Variants in TRPS1 observed in about 807,000 individuals in gnomAD.
TRPS1 encodes the protein zinc finger transcription factor Trps1.
A neutral mutation model predicts 101.2 loss-of-function variants in TRPS1; 6 were observed. That is an observed-to-expected ratio of 0.06 (90% CI 0.03 to 0.12). The LOEUF (loss-of-function observed/expected upper bound fraction) is 0.12, where lower values mean the gene tolerates loss of function less well. Among genes scored for constraint, TRPS1 ranks in the 10% least tolerant of loss-of-function variants. The probability of loss-of-function intolerance (pLI) is 1.00; values close to 1 mark genes in which losing one functional copy is unlikely to be tolerated. For synonymous variants in TRPS1, 578 were observed against 589.8 expected, an observed-to-expected ratio of 0.98 and a Z score of 0.29; for missense variants, 1,363 against 1,567.0, an observed-to-expected ratio of 0.87 and a Z score of 2.20.
chr8:115,484,960 C>G (rs987377757), intron 5 of TRPS1, among the ~76,000 whole-genome samples: 1 of 152,140 alleles, frequency 6.6e-6, no homozygotes, highest in Non-Finnish European at 1.5e-5. Context: ...AAGATGACCT[C>G]CAAGATTCCT....
chr8:115,549,327 G>A (rs1816649878), intron 5 of TRPS1, among the ~76,000 whole-genome samples: 1 of 152,054 alleles, frequency 6.6e-6, no homozygotes, highest in Non-Finnish European at 1.5e-5. Context: ...TATGTATTCA[G>A]CATTATATAA....
chr8:115,645,137 C>T (rs1818995209), intron 1 of TRPS1, among the ~76,000 whole-genome samples: 1 of 152,000 alleles, frequency 6.6e-6, no homozygotes, highest in South Asian at 2.1e-4. Flanking sequence ...CACAGGGTTG[C>T]CACAAATCTT....
intron 5 of TRPS1, among the ~76,000 whole-genome samples, chr8:115,422,320 T>C (rs995181042): frequency 2.6e-5 from 4 of 152,138 alleles, no homozygotes; most frequent in Non-Finnish European, 5.9e-5. Flanking sequence ...TGGTTGATGA[T>C]ATAGAAGACA....
chr8:115,607,158 A>G (rs1354268757), intron 3 of TRPS1, among the ~76,000 whole-genome samples: 4 of 152,152 alleles, frequency 2.6e-5, no homozygotes, highest in African/African-American at 4.8e-5. Context: ...CAAAGAGCAT[A>G]CATATACTTA....
rs1812969974 is a variant in TRPS1 at position 115,418,313 on chromosome 8, G to A, written c.2823+17C>T. 6.2e-7 allele frequency: 1 copy of A among 1,614,114 alleles called. No individual in the cohort carries two copies. Among genetic ancestry groups the A allele is most frequent in the Non-Finnish European group, 8.5e-7 (1 of 1,179,964 alleles). ...GCTTTATAAAGCTTTTCCTGAAAGA[G>A]TGGAACAAGTTCTTACCGAGTGAAG... On this transcript the variant is annotated intron_variant, in intron 6 of 6. Coordinates refer to ENST00000395715, the MANE Select transcript of TRPS1 (RefSeq NM_014112.5). The surrounding 1 kb of genome is among the most constrained non-coding windows in gnomAD (Gnocchi z 4.3).
intron 5 of TRPS1, among the ~76,000 whole-genome samples, chr8:115,574,263 T>C (rs1366362019): frequency 1.3e-5 from 2 of 152,210 alleles, no homozygotes; most frequent in African/African-American, 4.8e-5. Flanking sequence ...TTTCTATTTC[T>C]ATTTCTTTCA....
intron 5 of TRPS1, among the ~76,000 whole-genome samples, chr8:115,553,192 A>T (rs1294119706): frequency 6.6e-6 from 1 of 151,998 alleles, no homozygotes; most frequent in African/African-American, 2.4e-5. Context: ...ATATATTAAA[A>T]TTTTTTATTA....
At chr8:115,471,622 A>G (rs995311905) in intron 5 of TRPS1, among the ~76,000 whole-genome samples, 2 of 152,200 alleles carry the variant, frequency 1.3e-5, no homozygotes, top group East Asian at 3.9e-4. Flanking sequence ...CTTATCCAGC[A>G]TTAACCCAAA....
At chr8:115,530,808 T>C (rs1816110155) in intron 5 of TRPS1, among the ~76,000 whole-genome samples, 1 of 152,078 alleles carries the variant, frequency 6.6e-6, no homozygotes, top group Non-Finnish European at 1.5e-5. Flanking sequence ...GAAACCATCA[T>C]TCTCAGCAAA....
At chr8:115,439,974 T>G (rs1286417439) in intron 5 of TRPS1, among the ~76,000 whole-genome samples, 6 of 152,144 alleles carry the variant, frequency 3.9e-5, no homozygotes. Flanking sequence ...AAAGAAACAT[T>G]GAGTTTTATT....
At chr8:115,437,743 C>T (rs113266854) in intron 5 of TRPS1, among the ~76,000 whole-genome samples, 180 of 152,178 alleles carry the variant, frequency 1.2e-3, no homozygotes, top group South Asian at 4.8e-3. Context: ...CTATGTCTAG[C>T]CCTATCTCAT....
chr8:115,451,323 C>CA (rs1813865977), intron 5 of TRPS1, among the ~76,000 whole-genome samples: 1 of 149,330 alleles, frequency 6.7e-6, no homozygotes, highest in African/African-American at 2.5e-5. Context: ...TTCATTCTCT[C>CA]TTTTTTTTTT....
At position 115,668,957 on chromosome 8, in the gene TRPS1, C is replaced by CT. The variant is rs1812006703; in HGVS notation, c.-535dup. 1 of 152,200 alleles carries CT rather than the reference C, an allele frequency of 6.6e-6. No homozygotes were observed. Among genetic ancestry groups the CT allele is most frequent in the African/African-American group, 2.4e-5 (1 of 41,400 alleles). 9.4% of individuals were successfully genotyped at this position (152,200 alleles called of 1,614,324 possible). On this transcript the variant is annotated 5_prime_UTR_variant, in exon 1 of 7. Transcript: ENST00000395715. Reference sequence around the variant, plus strand: ...CAGAAATGTTATCGCTTGTCAGGACCTCAGTCTCCGCGCATTACGTCAGTT... The same window carrying CT: ...CAGAAATGTTATCGCTTGTCAGGACCTTCAGTCTCCGCGCATTACGTCAGTT...
intron 1 of TRPS1, among the ~76,000 whole-genome samples, chr8:115,644,937 T>TA (rs1818988078): frequency 6.6e-6 from 1 of 152,136 alleles, no homozygotes; most frequent in Admixed American, 6.5e-5. Flanking sequence ...TTTGCCATCT[T>TA]ACGTGGGTAC....
intron 5 of TRPS1, among the ~76,000 whole-genome samples, chr8:115,466,925 C>T (rs1025820028): frequency 6.6e-6 from 1 of 151,694 alleles, no homozygotes; most frequent in African/African-American, 2.4e-5. Flanking sequence ...AAAAGTTAAT[C>T]TCAAGAGAAC....
At chr8:115,620,199 A>C in intron 2 of TRPS1, 139 bp from the exon 3 acceptor site, 1 of 800,238 alleles carries the variant, frequency 1.2e-6, no homozygotes. Flanking sequence ...AAAAAAACCC[A>C]TTCTAAAAAC....
intron 5 of TRPS1, among the ~76,000 whole-genome samples, chr8:115,431,090 C>A (rs997315335): frequency 6.6e-6 from 1 of 151,952 alleles, no homozygotes; most frequent in Non-Finnish European, 1.5e-5. Context: ...GGAGTTCTCT[C>A]AATTCACATA....
At chr8:115,530,831 C>T (rs1034472721) in intron 5 of TRPS1, among the ~76,000 whole-genome samples, 3 of 151,698 alleles carry the variant, frequency 2.0e-5, no homozygotes, top group African/African-American at 7.3e-5. Flanking sequence ...ATCTCAAGGA[C>T]AGAAAACCAA....
At chr8:115,533,436 G>GTTTTTTGTTTTTTTTTTT (rs1816188062) in intron 5 of TRPS1, among the ~76,000 whole-genome samples, 3 of 35,000 alleles carry the variant, frequency 8.6e-5, no homozygotes, top group African/African-American at 3.1e-4. Context: ...CATGTAATCT[G>GTTTTTTGTTTTTTTTTTT]TTTTTTTTTT....
Sources: allele counts gnomAD v4.1 joint callset (sites outside exome capture counted in the v4.1 genomes callset), GRCh38; gene constraint gnomAD v4.1.1; non-coding constraint Gnocchi (gnomAD v3.1); transcripts MANE v1.5; gene names NCBI Gene and HGNC (gene_info 2026-07-23, HGNC 2026-07-21).